JMJD1C: variants seen among roughly 807,000 people sequenced by gnomAD.
JMJD1C encodes the protein jumonji domain-containing protein 1C.
A neutral mutation model predicts 245.3 loss-of-function variants in JMJD1C; 31 were observed. The ratio of observed to expected loss-of-function variants is 0.13; its 90% CI spans 0.09 to 0.17. JMJD1C has a LOEUF of 0.17. Ranked by LOEUF, JMJD1C falls within the 10% of genes least tolerant of loss-of-function variation. The probability of loss-of-function intolerance (pLI) is 1.00; values close to 1 mark genes in which losing one functional copy is unlikely to be tolerated. For missense variants in JMJD1C, 2,691 were observed against 3,000.2 expected, an observed-to-expected ratio of 0.90 and a Z score of 2.41; for synonymous variants, 1,057 against 1,017.4, an observed-to-expected ratio of 1.04 and a Z score of -0.74.
intron 21 of JMJD1C, among the ~76,000 whole-genome samples, chr10:63,183,887 A>G (rs1843778532): frequency 6.6e-6 from 1 of 152,240 alleles, no homozygotes; most frequent in Non-Finnish European, 1.5e-5. Flanking sequence ...GATTAAAGGA[A>G]CAGATTTAGT....
chr10:63,252,144 C>G (rs1225511933), intron 3 of JMJD1C, among the ~76,000 whole-genome samples: 1 of 152,168 alleles, frequency 6.6e-6, no homozygotes, highest in African/African-American at 2.4e-5. Flanking sequence ...GAGAACTTGC[C>G]AAAGGCATTT....
chr10:63,416,919 T>G (rs2132707252), intron 1 of JMJD1C, among the ~76,000 whole-genome samples: 1 of 152,358 alleles, frequency 6.6e-6, no homozygotes, highest in African/African-American at 2.4e-5. Flanking sequence ...AATAAAATTT[T>G]AAGGATGATT....
rs60682427 is a variant in JMJD1C at position 63,445,106 on chromosome 10, ATCTGTAG to A, written c.168+20382_168+20388del. Among the ~76,000 whole-genome samples, 1,390 of 152,252 alleles carry A rather than the reference ATCTGTAG, an allele frequency of 9.1e-3. 16 individuals carry two copies. The highest frequency in any genetic ancestry group is 0.031 in the African/African-American group (1,271 of 41,540). On this transcript the variant is annotated intron_variant, in intron 1 of 25. Transcript: ENST00000399262. ...AAATTAGCTGGGTGTGGTGGTACAC[ATCTGTAG>A]TCCCAGCTACTTGGGTGGATCACCT...
At chr10:63,233,725 TTATA>T (rs60964501) in intron 3 of JMJD1C, among the ~76,000 whole-genome samples, 37 of 140,990 alleles carry the variant, frequency 2.6e-4, no homozygotes, top group African/African-American at 9.2e-4. Context: ...TATATACATA[TTATA>T]TATATATATA....
At chr10:63,385,269 GTAATAA>G (rs1400759827) in intron 1 of JMJD1C, among the ~76,000 whole-genome samples, 1 of 151,792 alleles carries the variant, frequency 6.6e-6, no homozygotes, top group Non-Finnish European at 1.5e-5. Context: ...AGATGTAATA[GTAATAA>G]TAATAAAAGT....
At chr10:63,328,623 G>A (rs1564792798) in intron 2 of JMJD1C, among the ~76,000 whole-genome samples, 1 of 152,136 alleles carries the variant, frequency 6.6e-6, no homozygotes, top group Non-Finnish European at 1.5e-5. Flanking sequence ...GCATAAATAT[G>A]GGAACAACTT....
intron 2 of JMJD1C, among the ~76,000 whole-genome samples, chr10:63,354,278 A>G (rs1362474324): frequency 6.6e-6 from 1 of 152,262 alleles, no homozygotes; most frequent in Non-Finnish European, 1.5e-5. Flanking sequence ...CTTATCACTA[A>G]GAGAAGGGTA....
chr10:63,315,196 T>C (rs1939809509), intron 2 of JMJD1C, among the ~76,000 whole-genome samples: 1 of 152,174 alleles, frequency 6.6e-6, no homozygotes. Flanking sequence ...TTGCTGAAGT[T>C]TGGGGTATGA....
At chr10:63,185,909 C>T (rs987638127) in intron 19 of JMJD1C, among the ~76,000 whole-genome samples, 2 of 152,036 alleles carry the variant, frequency 1.3e-5, no homozygotes, top group Non-Finnish European at 2.9e-5. Flanking sequence ...GGTAACATCA[C>T]AATCTTACAT....
At chr10:63,200,446 C>T (rs1288146060) in intron 11 of JMJD1C, 30 bp downstream of exon 11, 9 of 1,536,370 alleles carry the variant, frequency 5.9e-6, no homozygotes, top group East Asian at 2.2e-5. Flanking sequence ...CAATAAATTA[C>T]TTTTTTCCCA....
intron 1 of JMJD1C, among the ~76,000 whole-genome samples, chr10:63,517,797 T>C (rs1334845881): frequency 2.1e-5 from 3 of 141,050 alleles, no homozygotes; most frequent in Non-Finnish European, 4.6e-5. Flanking sequence ...TTTTTTTTTT[T>C]TTTTTTTTTT....
chr10:63,262,929 A>G (rs1007923105), intron 3 of JMJD1C, among the ~76,000 whole-genome samples: 2 of 152,178 alleles, frequency 1.3e-5, no homozygotes, highest in Non-Finnish European at 2.9e-5. Flanking sequence ...TAATTTCTAC[A>G]TAACGATTTC....
intron 2 of JMJD1C, among the ~76,000 whole-genome samples, chr10:63,337,629 G>GA (rs1942965902): frequency 1.5e-5 from 2 of 130,800 alleles, no homozygotes; most frequent in Admixed American, 7.5e-5. Context: ...AAAAGAAAAA[G>GA]AAAAGAAAAA....
chr10:63,431,021 CA>C (rs986803962), intron 1 of JMJD1C, among the ~76,000 whole-genome samples: 19 of 152,220 alleles, frequency 1.2e-4, no homozygotes, highest in African/African-American at 4.6e-4. Flanking sequence ...CTGACTCTGG[CA>C]AAACTATTTT....
At chr10:63,188,164 G>A (rs576221194) in intron 18 of JMJD1C, among the ~76,000 whole-genome samples, 2 of 152,246 alleles carry the variant, frequency 1.3e-5, no homozygotes, top group South Asian at 2.1e-4. Context: ...CTTGAACAAA[G>A]TTCTTAAAAC....
rs117157886 is a variant in JMJD1C, at chr10:63,432,637, T to C, written c.168+32858A>G. Among the ~76,000 whole-genome samples, 240 of 152,364 alleles carry C rather than the reference T, an allele frequency of 1.6e-3. 2 individuals are homozygous for C. Among genetic ancestry groups the C allele is most frequent in the Middle Eastern group, 0.01 (3 of 294 alleles). ...ATCACATCAACTCTGGAATGTCTAC[T>C]TCTGGACTTAGAAGGAAAACCTTAT... On this transcript the variant is annotated intron_variant, in intron 1 of 25. Coordinates refer to ENST00000399262, the MANE Select transcript of JMJD1C (RefSeq NM_032776.3).
intron 2 of JMJD1C, among the ~76,000 whole-genome samples, chr10:63,307,380 G>A (rs554093877): frequency 1.3e-4 from 20 of 152,262 alleles, no homozygotes; most frequent in South Asian, 6.2e-4. Context: ...AGTAGGTTTA[G>A]GTTTCCAGGT....
At chr10:63,418,914 C>G (rs1030066577) in intron 1 of JMJD1C, among the ~76,000 whole-genome samples, 21 of 149,640 alleles carry the variant, frequency 1.4e-4, no homozygotes, top group African/African-American at 5.2e-4. Context: ...CTGTCTGTAC[C>G]AAAAATACAA....
At chr10:63,208,835 A>C in intron 9 of JMJD1C, 34 bp from the exon 10 acceptor site, 1 of 1,504,384 alleles carries the variant, frequency 6.6e-7, no homozygotes, top group Non-Finnish European at 8.9e-7. Context: ...TTCTGTAACC[A>C]CTTTTTCCTG....
Sources: gnomAD v4.1 joint callset for allele counts (sites outside exome capture counted in the v4.1 genomes callset) on GRCh38, gnomAD v4.1.1 for gene constraint, MANE v1.5 for transcripts, NCBI Gene and HGNC (gene_info 2026-07-23, HGNC 2026-07-21) for gene names.